FBN3: variants seen among roughly 807,000 people sequenced by gnomAD.
FBN3 encodes fibrillin-3.
Under a neutral mutation model 330.1 loss-of-function variants are expected in FBN3, and 234 were observed. That is an observed-to-expected ratio of 0.71 (90% CI 0.64 to 0.79). The LOEUF (loss-of-function observed/expected upper bound fraction) is 0.79. Among genes scored for constraint, FBN3 ranks in the 30% least tolerant of loss-of-function variants. FBN3 has a pLI of 0.00. For missense variants in FBN3, 3,606 were observed against 3,886.9 expected (o/e 0.93, Z 1.92); for synonymous variants, 1,458 against 1,517.3 (o/e 0.96, Z 0.91).
chr19:8,109,545 G>A lies in FBN3; in HGVS notation c.4456+86C>T, dbSNP rs2144813380. 5 of 1,542,134 alleles carry A rather than the reference G, an allele frequency of 3.2e-6. No individual in the cohort carries two copies. The highest frequency in any genetic ancestry group is 2.3e-5 in the East Asian group (1 of 44,264). ...GTCAGGAGCAGGTAGATTTGAACAC[G>A]TTGACATCTGAGTTAACCCAGTGGG... On this transcript the variant is annotated intron_variant, in intron 35 of 63. Coordinates refer to ENST00000600128, the MANE Select transcript of FBN3 (RefSeq NM_032447.5). The surrounding 1 kb of genome is among the most constrained non-coding windows in gnomAD (Gnocchi z 5.2).
Position 8,129,428 on chromosome 19 carries a change from G to A in FBN3, c.2045-63C>T. On this transcript the variant is annotated intron_variant, in intron 16 of 63. Coordinates refer to ENST00000600128, the MANE Select transcript of FBN3 (RefSeq NM_032447.5). The surrounding 1 kb of genome is among the most constrained non-coding windows in gnomAD (Gnocchi z 4.5). The stretch of plus-strand genomic sequence containing the variant: ...GAGGGTGTGTCCGAGGCAGGAGGAG[G>A]GTGTGTCGCGGCGCACCAGGGGTCT... 1 of 1,591,680 alleles carries A rather than the reference G, an allele frequency of 6.3e-7. No individual in the cohort carries two copies. The highest frequency in any genetic ancestry group is 8.6e-7 in the Non-Finnish European group (1 of 1,167,706).
intron 14 of FBN3, among the ~76,000 whole-genome samples, 175 bp downstream of exon 14, chr19:8,132,806 TTTC>T (rs1218432508): frequency 3.3e-5 from 5 of 152,172 alleles, no homozygotes; most frequent in South Asian, 2.1e-4. Context: ...TTTTCTTCCT[TTTC>T]TTCTTCTTCG....
rs766533055 is a variant in FBN3 at position 8,083,805 on chromosome 19, C to CTTTTCTTTTTTT, written c.7088-434_7088-433insAAAAAAAGAAAA. Among the ~76,000 whole-genome samples, 92 of 134,090 alleles carry CTTTTCTTTTTTT rather than the reference C, an allele frequency of 6.9e-4. 2 individuals are homozygous for CTTTTCTTTTTTT. Among genetic ancestry groups the CTTTTCTTTTTTT allele is most frequent in the African/African-American group, 1.9e-3 (68 of 36,544 alleles). 88.0% of individuals were successfully genotyped at this position (134,090 alleles called of 152,430 possible). ...TTCCTCCCCAGTCCTACTATTTTTTCTTTTTTTTTTTTTTTGAGACAGAGT... is the reference window on the plus strand; with the variant it reads ...TTCCTCCCCAGTCCTACTATTTTTTCTTTTCTTTTTTTTTTTTTTTTTTTTTTGAGACAGAGT... On this transcript the variant is annotated intron_variant, in intron 56 of 63. Coordinates refer to ENST00000600128, the MANE Select transcript of FBN3 (RefSeq NM_032447.5).
At position 8,149,548 on chromosome 19, in the gene FBN3, CG is replaced by C. The variant is rs2083627748; in HGVS notation, c.-118del. On this transcript the variant is annotated 5_prime_UTR_variant, in exon 1 of 64. Coordinates refer to ENST00000600128, the MANE Select transcript of FBN3 (RefSeq NM_032447.5). This position sits in a 1 kb window ranked among gnomAD's most constrained non-coding sequence, Gnocchi z 5.5. ...CGGCGCCGGGGACCCGGGGCGGGAA[CG>C]CAAAGCCGAGAGGCCGACCCCGCCG... 6.6e-6 allele frequency: 1 copy of C among 151,964 alleles called. No homozygotes were observed. The highest frequency in any genetic ancestry group is 6.6e-5 in the Admixed American group (1 of 15,256). 9.4% of individuals were successfully genotyped at this position (151,964 alleles called of 1,614,324 possible).
At chr19:8,142,992 C>A (rs75776756) in intron 6 of FBN3, among the ~76,000 whole-genome samples, 1 of 151,516 alleles carries the variant, frequency 6.6e-6, no homozygotes, top group South Asian at 2.1e-4. Context: ...CTTCTAGTCC[C>A]CGGGTCGTGC....
At chr19:8,080,750 G>C (rs1292489129) in intron 59 of FBN3, among the ~76,000 whole-genome samples, 1 of 152,046 alleles carries the variant, frequency 6.6e-6, no homozygotes, top group East Asian at 1.9e-4. Flanking sequence ...TCTCGGAGTT[G>C]CTGGGATTAC....
At chr19:8,133,250 G>C in intron 13 of FBN3, 144 bp from the exon 14 acceptor site, 2 of 1,088,310 alleles carry the variant, frequency 1.8e-6, no homozygotes, top group Non-Finnish European at 2.5e-6. Context: ...GTGACTGTGT[G>C]AGCTTGTATA....
chr19:8,070,298 ATG>A (rs2081483462), intron 63 of FBN3, among the ~76,000 whole-genome samples: 1 of 152,096 alleles, frequency 6.6e-6, no homozygotes, highest in Non-Finnish European at 1.5e-5. Context: ...CATATTTGTC[ATG>A]TGTTATAAAA....
At chr19:8,148,024 A>T (rs990036650) in intron 1 of FBN3, among the ~76,000 whole-genome samples, 1 of 152,064 alleles carries the variant, frequency 6.6e-6, no homozygotes, top group Non-Finnish European at 1.5e-5. Flanking sequence ...GGTGGAGGGC[A>T]TTGAGGAGAT....
intron 6 of FBN3, among the ~76,000 whole-genome samples, chr19:8,142,998 C>T (rs1287743320): frequency 4.6e-5 from 7 of 151,486 alleles, no homozygotes; most frequent in East Asian, 1.9e-4. Flanking sequence ...GTCCCCGGGT[C>T]GTGCCCATCC....
chr19:8,104,600 T>C (rs961030373), intron 38 of FBN3, among the ~76,000 whole-genome samples: 3 of 152,168 alleles, frequency 2.0e-5, no homozygotes, highest in African/African-American at 7.2e-5. Context: ...CTTCCTAATA[T>C]GATATGATAG....
chr19:8,115,661 A>G, intron 29 of FBN3, 21 bp from the exon 30 acceptor site: 1 of 1,612,984 alleles, frequency 6.2e-7, no homozygotes, highest in South Asian at 1.1e-5. Context: ...AGAGAGCATG[A>G]GGTCTGAGGA....
At chr19:8,087,756 G>A (rs776874028) in intron 53 of FBN3, 69 bp downstream of exon 53, 14 of 1,399,700 alleles carry the variant, frequency 1.0e-5, no homozygotes, top group African/African-American at 1.4e-5. Context: ...TTACAGGCGT[G>A]TGCCACCATG....
intron 61 of FBN3, chr19:8,074,778 AC>A: frequency 5.4e-6 from 2 of 373,344 alleles, no homozygotes; most frequent in Non-Finnish European, 9.7e-6. Flanking sequence ...CTAATCAATC[AC>A]AGCACTCTTT....
intron 1 of FBN3, chr19:8,147,723 A>C (rs2145079420): frequency 2.5e-6 from 1 of 395,704 alleles, no homozygotes; most frequent in Non-Finnish European, 4.5e-6. Flanking sequence ...GTGCACAGCC[A>C]AGGCAAGACG....
At position 8,109,669 on chromosome 19, in the gene FBN3, T is replaced by C. The variant is rs201216875; in HGVS notation, c.4418A>G (p.Gln1473Arg). 4.4e-5 allele frequency: 69 copies of C among 1,581,224 alleles called. No individual in the cohort carries two copies. In the East Asian group the frequency reaches 1.5e-3, roughly 35 times the overall value. Residue 1473 changes from glutamine (Q) to arginine (R), a missense_variant, in exon 35 of 64, where the codon CAG becomes CGG. Gln to Arg is a conservative substitution (Grantham distance 43). Transcript: ENST00000600128. The surrounding 1 kb of genome is among the most constrained non-coding windows in gnomAD (Gnocchi z 5.2). Reference sequence around the variant, plus strand: ...TCCGCTGGGGTTCAGCTCAAAATCCTGGGGGCAGCTGCAGAGGTAGCTGCC... The same window carrying C: ...TCCGCTGGGGTTCAGCTCAAAATCCCGGGGGCAGCTGCAGAGGTAGCTGCC... ...TPGSYLCSCP[Q>R]DFELNPSGVG...
At chr19:8,143,753 A>G (rs1180855801) in intron 6 of FBN3, among the ~76,000 whole-genome samples, 1 of 146,638 alleles carries the variant, frequency 6.8e-6, no homozygotes, top group African/African-American at 2.6e-5. Flanking sequence ...TCGGCCTCCC[A>G]AAATGCTAGA....
rs1029572620 is a variant in FBN3, at chr19:8,067,129, C to CT, written c.8089-870dup. ...GATTTCTTTGTTTCTTCTTCTTTTT[C>CT]TTTTTTTTTTTTTTTTGAGATGGAG... On this transcript the variant is annotated intron_variant, in intron 63 of 63. Coordinates refer to ENST00000600128, the MANE Select transcript of FBN3 (RefSeq NM_032447.5). Among the ~76,000 whole-genome samples the CT allele has an allele frequency of 8.0e-3, 1,086 of 135,178 alleles. 18 individuals are homozygous for CT. The highest frequency in any genetic ancestry group is 0.024 in the South Asian group (104 of 4,408). The allele number at this position is 135,178 out of a possible 152,430, so 88.7% of individuals were successfully genotyped here.
intron 45 of FBN3, 73 bp downstream of exon 45, chr19:8,095,891 C>T (rs543915271): frequency 2.9e-4 from 279 of 948,078 alleles, no homozygotes; most frequent in Middle Eastern, 6.3e-4. Context: ...CTTTCTGTGG[C>T]CAATTTCTAG....
Sources: gnomAD v4.1 joint callset for allele counts (sites outside exome capture counted in the v4.1 genomes callset) on GRCh38, gnomAD v4.1.1 for gene constraint, Gnocchi (gnomAD v3.1) non-coding constraint, MANE v1.5 for transcripts, NCBI Gene and HGNC (gene_info 2026-07-23, HGNC 2026-07-21) for gene names.